Variants in CCDC146 observed in about 807,000 individuals in gnomAD.
The protein encoded by CCDC146 is coiled-coil domain-containing protein 146.
Under a neutral mutation model 119.3 loss-of-function variants are expected in CCDC146, and 92 were observed. That is an observed-to-expected ratio of 0.77 (90% CI 0.65 to 0.92). The LOEUF (loss-of-function observed/expected upper bound fraction) is 0.92. Ranked by LOEUF, CCDC146 falls within the 40% of genes least tolerant of loss-of-function variation. CCDC146 has a pLI of 0.00. For missense variants in CCDC146, 1,000 were observed against 1,103.0 expected, an observed-to-expected ratio of 0.91 and a Z score of 1.32; for synonymous variants, 372 against 371.8, an observed-to-expected ratio of 1.00 and a Z score of -0.01.
intron 2 of CCDC146, among the ~76,000 whole-genome samples, chr7:77,185,234 A>G (rs1791648058): frequency 6.6e-6 from 1 of 152,204 alleles, no homozygotes; most frequent in Admixed American, 6.5e-5. Flanking sequence ...GCTGTTTATC[A>G]TTATCAGTAT....
chr7:77,242,959 G>A (rs1243356520), intron 4 of CCDC146, among the ~76,000 whole-genome samples: 1 of 151,968 alleles, frequency 6.6e-6, no homozygotes, highest in Non-Finnish European at 1.5e-5. Flanking sequence ...AAAATTGGAG[G>A]TTTTTTTGTC....
chr7:77,253,480 G>A (rs1015454863), intron 4 of CCDC146, among the ~76,000 whole-genome samples: 5 of 152,154 alleles, frequency 3.3e-5, no homozygotes, highest in African/African-American at 1.2e-4. Flanking sequence ...TCTGAGTGAC[G>A]ATCTATTTCC....
At chr7:77,258,714 C>T (rs1793229701) in intron 6 of CCDC146, among the ~76,000 whole-genome samples, 1 of 152,180 alleles carries the variant, frequency 6.6e-6, no homozygotes, top group Admixed American at 6.5e-5. Flanking sequence ...ATTGGGACGT[C>T]ACTCCATTGT....
intron 2 of CCDC146, among the ~76,000 whole-genome samples, chr7:77,209,565 A>G (rs997324588): frequency 6.6e-6 from 1 of 152,164 alleles, no homozygotes; most frequent in Non-Finnish European, 1.5e-5. Context: ...CCCTCTTCTC[A>G]CAGCTCCACT....
intron 2 of CCDC146, among the ~76,000 whole-genome samples, chr7:77,221,693 A>T (rs1792406449): frequency 6.6e-6 from 1 of 152,124 alleles, no homozygotes; most frequent in African/African-American, 2.4e-5. Flanking sequence ...TTCCCATCTG[A>T]TGGACAGACA....
At chr7:77,169,446 C>A (rs1279971632) in intron 2 of CCDC146, among the ~76,000 whole-genome samples, 1 of 152,272 alleles carries the variant, frequency 6.6e-6, no homozygotes, top group African/African-American at 2.4e-5. Flanking sequence ...AAAATTTTCA[C>A]CTACAAGTTT....
chr7:77,207,213 C>A (rs898146263), intron 2 of CCDC146, among the ~76,000 whole-genome samples: 1 of 152,094 alleles, frequency 6.6e-6, no homozygotes, highest in African/African-American at 2.4e-5. Context: ...GAAAGTATAG[C>A]ATTCTGAGGT....
At chr7:77,200,663 G>A (rs1201604131) in intron 2 of CCDC146, among the ~76,000 whole-genome samples, 4 of 152,242 alleles carry the variant, frequency 2.6e-5, no homozygotes, top group African/African-American at 4.8e-5. Flanking sequence ...CCTGGCAGGC[G>A]GGCCTCTTGC....
Position 77,254,521 on chromosome 7 carries a change from A to T in CCDC146, c.465A>T (p.Lys155Asn). ...TTTTTTGCAGCTTAAAGGAAGAAAAAATCATCATAGTAAAAGAATTTGAGA... is the reference window on the plus strand; with the variant it reads ...TTTTTTGCAGCTTAAAGGAAGAAAATATCATCATAGTAAAAGAATTTGAGA... ...QYRLNSLKEE[K>N]IIIVKEFEKI... Residue 155 changes from lysine (K) to asparagine (N), a missense_variant, in exon 5 of 19, where the codon AAA becomes AAT. Transcript: ENST00000285871. 1.3e-6 allele frequency: 2 copies of T among 1,546,908 alleles called. No individual in the cohort carries two copies.
chr7:77,174,916 T>C (rs1791479564), intron 2 of CCDC146, among the ~76,000 whole-genome samples: 1 of 152,206 alleles, frequency 6.6e-6, no homozygotes, highest in African/African-American at 2.4e-5. Context: ...TAGGTTTATA[T>C]TCAGCTTTAG....
chr7:77,221,442 C>A (rs1792401607), intron 2 of CCDC146, among the ~76,000 whole-genome samples: 1 of 152,206 alleles, frequency 6.6e-6, no homozygotes, highest in Non-Finnish European at 1.5e-5. Context: ...CACAGGCATG[C>A]ACATATACAC....
rs758801600 is a variant in CCDC146, at chr7:77,273,670, AT to A, written c.1174-23del. 5 of 1,543,066 alleles carry A rather than the reference AT, an allele frequency of 3.2e-6. No homozygotes were observed. In the African/African-American group the frequency reaches 6.8e-5, roughly 21 times the overall value. ...AAAGATTTATTTCTTACATAAATGC[AT>A]GTTTTTAAATTTTGATTTCCAGATG... On this transcript the variant is annotated intron_variant, in intron 9 of 18. Coordinates refer to ENST00000285871, the MANE Select transcript of CCDC146 (RefSeq NM_020879.3).
chr7:77,209,491 C>T (rs528277565), intron 2 of CCDC146, among the ~76,000 whole-genome samples: 4 of 152,334 alleles, frequency 2.6e-5, no homozygotes, highest in South Asian at 2.1e-4. Context: ...TTGCCTGTGG[C>T]GTTTCCAGGT....
chr7:77,185,198 C>T (rs2150419345), intron 2 of CCDC146, among the ~76,000 whole-genome samples: 1 of 152,042 alleles, frequency 6.6e-6, no homozygotes, highest in African/African-American at 2.4e-5. Flanking sequence ...AGTGTCCAGC[C>T]CATGGTTGGC....
At chr7:77,267,137 C>G (rs947639227) in intron 9 of CCDC146, among the ~76,000 whole-genome samples, 4 of 152,002 alleles carry the variant, frequency 2.6e-5, no homozygotes, top group African/African-American at 9.7e-5. Context: ...GGATTACATG[C>G]ACCCACCACC....
chr7:77,245,224 A>T (rs1357576396), intron 4 of CCDC146, among the ~76,000 whole-genome samples: 1 of 152,228 alleles, frequency 6.6e-6, no homozygotes, highest in Non-Finnish European at 1.5e-5. Context: ...TTCAGGAAAT[A>T]ATATGTAATC....
At chr7:77,277,078 G>C (rs1004592951) in intron 11 of CCDC146, among the ~76,000 whole-genome samples, 1 of 151,518 alleles carries the variant, frequency 6.6e-6, no homozygotes, top group Non-Finnish European at 1.5e-5. Flanking sequence ...TCTCAAAAAC[G>C]AAAAATAAAG....
At chr7:77,179,293 T>A (rs1353086253) in intron 2 of CCDC146, among the ~76,000 whole-genome samples, 1 of 152,038 alleles carries the variant, frequency 6.6e-6, no homozygotes, top group Non-Finnish European at 1.5e-5. Flanking sequence ...ATAAAATATA[T>A]ACATAGTACA....
At chr7:77,151,386 A>G (rs745840692) in intron 1 of CCDC146, among the ~76,000 whole-genome samples, 3 of 151,992 alleles carry the variant, frequency 2.0e-5, no homozygotes, top group Non-Finnish European at 4.4e-5. Flanking sequence ...GAGCGAGGGG[A>G]TGGGAATGGG....
Sources: gnomAD v4.1 joint callset for allele counts (sites outside exome capture counted in the v4.1 genomes callset) on GRCh38, gnomAD v4.1.1 for gene constraint, MANE v1.5 for transcripts, NCBI Gene and HGNC (gene_info 2026-07-23, HGNC 2026-07-21) for gene names.